Variants in CACNA2D3 observed in about 807,000 individuals in gnomAD.
CACNA2D3 encodes the protein voltage-dependent calcium channel subunit alpha-2/delta-3.
A neutral mutation model predicts 160.6 loss-of-function variants in CACNA2D3; 60 were observed. The ratio of observed to expected loss-of-function variants is 0.37; its 90% CI spans 0.30 to 0.46. CACNA2D3 has a LOEUF of 0.46. Ranked by LOEUF, CACNA2D3 falls within the 20% of genes least tolerant of loss-of-function variation. The probability of loss-of-function intolerance (pLI) is 1.00; values close to 1 mark genes in which losing one functional copy is unlikely to be tolerated. For missense variants in CACNA2D3, 1,205 were observed against 1,365.0 expected (o/e 0.88, Z 1.85); for synonymous variants, 558 against 492.9 (o/e 1.13, Z -1.75).
At chr3:54,807,528 T>C (rs1703165553) in intron 13 of CACNA2D3, among the ~76,000 whole-genome samples, 1 of 152,056 alleles carries the variant, frequency 6.6e-6, no homozygotes. Context: ...CCAGTTAGAA[T>C]GGCAATCATT....
At chr3:54,676,754 A>T (rs1700251550) in intron 11 of CACNA2D3, among the ~76,000 whole-genome samples, 4 of 152,102 alleles carry the variant, frequency 2.6e-5, no homozygotes, top group Admixed American at 2.6e-4. Flanking sequence ...ATGAGAGGGG[A>T]GAGTGGCTTA....
At chr3:54,290,584 A>T (rs923769446) in intron 2 of CACNA2D3, among the ~76,000 whole-genome samples, 11 of 150,750 alleles carry the variant, frequency 7.3e-5, no homozygotes, top group African/African-American at 2.2e-4. Flanking sequence ...ACTATAAATC[A>T]TGCTGCTGTA....
In CACNA2D3 at chr3:54,853,775, A is replaced by G. The variant is rs145654769; in HGVS notation, c.1626+7308A>G. On this transcript the variant is annotated intron_variant, in intron 17 of 37. Coordinates refer to ENST00000474759, the MANE Select transcript of CACNA2D3 (RefSeq NM_018398.3). ...GAGGTGGGGGAGGACTGCACTCAGC[A>G]GATACTCTACAGTCTCCCCAGGATC... is the stretch of plus-strand genomic sequence containing the variant. Among the ~76,000 whole-genome samples the G allele has an allele frequency of 4.4e-3, 673 of 152,248 alleles. 7 individuals carry two copies. Among genetic ancestry groups the G allele is most frequent in the African/African-American group, 0.014 (588 of 41,556 alleles).
chr3:54,376,355 C>T (rs1184205204), intron 3 of CACNA2D3, among the ~76,000 whole-genome samples: 1 of 152,208 alleles, frequency 6.6e-6, no homozygotes, highest in Non-Finnish European at 1.5e-5. Flanking sequence ...TATGAGCATT[C>T]CTGCACTGGT....
At chr3:54,185,466 A>C (rs1318926514) in intron 2 of CACNA2D3, among the ~76,000 whole-genome samples, 1 of 152,194 alleles carries the variant, frequency 6.6e-6, no homozygotes, top group Non-Finnish European at 1.5e-5. Context: ...CAAAATTTTA[A>C]TTTGTCTGCA....
At chr3:54,479,972 TCTC>T (rs772310985) in intron 4 of CACNA2D3, among the ~76,000 whole-genome samples, 1 of 152,112 alleles carries the variant, frequency 6.6e-6, no homozygotes, top group Non-Finnish European at 1.5e-5. Context: ...GAGAATTTCT[TCTC>T]CTCTCAATCT....
intron 2 of CACNA2D3, among the ~76,000 whole-genome samples, chr3:54,202,246 G>C (rs1701192366): frequency 6.6e-6 from 1 of 152,200 alleles, no homozygotes; most frequent in African/African-American, 2.4e-5. Context: ...CAGCTGCCCT[G>C]AAAATAGGCA....
chr3:54,484,862 TG>T (rs762057063), intron 4 of CACNA2D3, among the ~76,000 whole-genome samples: 4 of 149,592 alleles, frequency 2.7e-5, no homozygotes, highest in African/African-American at 7.4e-5. Context: ...TTTTTTTTTT[TG>T]GGGGATGGAG....
chr3:54,232,289 G>A (rs1033777046), intron 2 of CACNA2D3, among the ~76,000 whole-genome samples: 3 of 152,098 alleles, frequency 2.0e-5, no homozygotes, highest in Non-Finnish European at 2.9e-5. Context: ...GGTGATGACA[G>A]TACCTAGTTT....
chr3:54,599,458 C>T (rs1703023383), intron 9 of CACNA2D3, among the ~76,000 whole-genome samples: 1 of 152,188 alleles, frequency 6.6e-6, no homozygotes. Flanking sequence ...CTTTATTGGA[C>T]AGTGACCTCA....
chr3:54,227,247 G>T (rs921147757), intron 2 of CACNA2D3, among the ~76,000 whole-genome samples: 2 of 152,246 alleles, frequency 1.3e-5, no homozygotes, highest in South Asian at 4.2e-4. Context: ...GGATCTGGGT[G>T]TTTGGCACCG....
rs555209187 is a variant in CACNA2D3, at chr3:54,990,522, C to T, written c.2690+2769C>T. 4.6e-5 allele frequency among the ~76,000 whole-genome samples: 7 copies of T among 152,280 alleles called. No individual in the cohort carries two copies. In the East Asian group the frequency reaches 1.3e-3, roughly 29 times the overall value. On this transcript the variant is annotated intron_variant, in intron 31 of 37. Coordinates refer to ENST00000474759, the MANE Select transcript of CACNA2D3 (RefSeq NM_018398.3). ...CTTCAGCCTGGGTGACAGAGCGAGACTCCATCTCAAACAAAAAAAAGAAAG... is the reference window on the plus strand; with the variant it reads ...CTTCAGCCTGGGTGACAGAGCGAGATTCCATCTCAAACAAAAAAAAGAAAG...
intron 4 of CACNA2D3, among the ~76,000 whole-genome samples, chr3:54,441,366 A>G (rs1365059048): frequency 2.0e-5 from 3 of 151,994 alleles, no homozygotes; most frequent in African/African-American, 4.8e-5. Flanking sequence ...TTTGGAGTTC[A>G]TTGTAGATTC....
intron 2 of CACNA2D3, among the ~76,000 whole-genome samples, chr3:54,152,950 C>T (rs1356221392): frequency 6.6e-6 from 1 of 152,184 alleles, no homozygotes; most frequent in Non-Finnish European, 1.5e-5. Flanking sequence ...AGGTGACACT[C>T]ATGATGTGGG....
rs553649789 is a variant in CACNA2D3 at position 54,343,664 on chromosome 3, C to T, written c.321+23106C>T. Among the ~76,000 whole-genome samples the T allele has an allele frequency of 5.9e-5, 9 of 152,304 alleles. No homozygotes were observed. The South Asian group carries it at 1.9e-3, about 32-fold the overall frequency. ...GCTCAAGAGAGCCTCTCACCTCATC[C>T]TCTCAAAGTGCTAGGATTACAGGTA... On this transcript the variant is annotated intron_variant, in intron 3 of 37. Coordinates refer to ENST00000474759, the MANE Select transcript of CACNA2D3 (RefSeq NM_018398.3).
intron 9 of CACNA2D3, among the ~76,000 whole-genome samples, chr3:54,618,374 T>TATATATATATATATATACACAC: frequency 1.8e-5 from 1 of 54,584 alleles, no homozygotes; most frequent in African/African-American, 1.1e-4. Flanking sequence ...TATATATATA[T>TATATATATATATATATACACAC]GCACACACAC....
chr3:54,883,027 T>G (rs916030416), intron 21 of CACNA2D3, among the ~76,000 whole-genome samples: 7 of 152,062 alleles, frequency 4.6e-5, no homozygotes, highest in African/African-American at 1.2e-4. Context: ...TTGTATCTTT[T>G]TGTGTGTGTG....
At chr3:54,135,539 G>A (rs1699799441) in intron 2 of CACNA2D3, among the ~76,000 whole-genome samples, 1 of 152,232 alleles carries the variant, frequency 6.6e-6, no homozygotes, top group African/African-American at 2.4e-5. Context: ...GGGCAGTTTT[G>A]CCAAAAGACA....
chr3:54,896,802 C>T lies in CACNA2D3; in HGVS notation c.2300C>T (p.Pro767Leu). Residue 767 changes from proline to leucine, a missense_variant, in exon 26 of 38, where the codon CCT (proline) becomes CTT (leucine). Pro to Leu is a moderately conservative substitution (Grantham distance 98). Transcript: ENST00000474759. ...AACATTTTTAACGCAGACCATTTCC[C>T]TCTCTGGTACCGAAGAGCCGCTGAG... Reference protein sequence around the residue: ...KENIFNADHFPLWYRRAAEQI... With the variant: ...KENIFNADHFLLWYRRAAEQI... 6.2e-7 allele frequency: 1 copy of T among 1,614,034 alleles called. No homozygotes were observed. Among genetic ancestry groups the T allele is most frequent in the Non-Finnish European group, 8.5e-7 (1 of 1,179,894 alleles).
Sources: gnomAD v4.1 joint callset for allele counts (sites outside exome capture counted in the v4.1 genomes callset) on GRCh38, gnomAD v4.1.1 for gene constraint, MANE v1.5 for transcripts, NCBI Gene and HGNC (gene_info 2026-07-23, HGNC 2026-07-21) for gene names.